Variants in ANKRD24 observed in about 807,000 individuals in gnomAD.
ANKRD24 encodes the protein ankyrin repeat domain-containing protein 24.
Under a neutral mutation model 127.8 loss-of-function variants are expected in ANKRD24, and 109 were observed. The observed-to-expected ratio is 0.85, with a 90% CI of 0.73 to 1.00. The LOEUF (loss-of-function observed/expected upper bound fraction) is 1.00, where lower values mean the gene tolerates loss of function less well. Among genes scored for constraint, ANKRD24 ranks in the 50% least tolerant of loss-of-function variants. The pLI is 0.00. For missense variants in ANKRD24, 1,648 were observed against 1,570.2 expected (o/e 1.05, Z -0.84); for synonymous variants, 743 against 671.1 (o/e 1.11, Z -1.66).
intron 6 of ANKRD24, among the ~76,000 whole-genome samples, chr19:4,202,501 C>T (rs1396259701): frequency 2.6e-5 from 4 of 151,904 alleles, no homozygotes; most frequent in Admixed American, 6.6e-5. Flanking sequence ...ACTTGGGAGG[C>T]GGAGGTTGCA....
chr19:4,200,895 G>A (rs190303575), intron 5 of ANKRD24, among the ~76,000 whole-genome samples: 1 of 152,264 alleles, frequency 6.6e-6, no homozygotes, highest in Non-Finnish European at 1.5e-5. Context: ...ACCATTGGAC[G>A]AACTAAGCTT....
In ANKRD24 at chr19:4,198,372, C is replaced by T. The variant is rs1055165873; in HGVS notation, c.37-1311C>T. 4 of 165,542 alleles carry T rather than the reference C, an allele frequency of 2.4e-5. No individual in the cohort carries two copies. The highest frequency in any genetic ancestry group is 1.0e-4 in the African/African-American group (4 of 38,600). The allele number at this position is 165,542 out of a possible 1,614,324, so 10.3% of individuals were successfully genotyped here. A position where few individuals can be genotyped will look rare whatever the true frequency, so the allele number is the denominator to read the frequency against. On this transcript the variant is annotated intron_variant, in intron 2 of 21. Transcript: ENST00000318934. This position sits in a 1 kb window ranked among gnomAD's most constrained non-coding sequence, Gnocchi z 6.1. ...GGCGGGACCGGGCGGGCGGGCGGGG[C>T]GGGGAGCTCCGGCAGCGCCCAGCCC...
intron 2 of ANKRD24, among the ~76,000 whole-genome samples, chr19:4,193,708 GT>G (rs1388004772): frequency 6.6e-6 from 1 of 151,844 alleles, no homozygotes; most frequent in African/African-American, 2.4e-5. Context: ...ATGGTGGCGG[GT>G]GCGTGTAATC....
rs757861643 is a variant in ANKRD24, at chr19:4,217,062, AGTGGAGGCCATGGGG to A, written c.1913_1927del (p.Met638_Ala642del). On this transcript the variant is annotated inframe_deletion, in exon 18 of 22. Transcript: ENST00000318934. ...AGGCCACAGACACAGAGACCACGGG[AGTGGAGGCCATGGGG>A]GTGGAGGCCACAAAAACAAAAGCAG... is the stretch of plus-strand genomic sequence containing the variant. 1.6e-5 allele frequency: 26 copies of A among 1,613,872 alleles called. No homozygotes were observed. The Admixed American group carries it at 2.8e-4, about 18-fold the overall frequency.
chr19:4,224,620 CACTTGGAG>C lies in ANKRD24; in HGVS notation c.*118_*125del, dbSNP rs755967647. 1 of 997,406 alleles carries C rather than the reference CACTTGGAG, an allele frequency of 1.0e-6. No homozygotes were observed. Among genetic ancestry groups the C allele is most frequent in the Non-Finnish European group, 1.5e-6 (1 of 664,578 alleles). The allele number at this position is 997,406 out of a possible 1,614,324, so 61.8% of individuals were successfully genotyped here. Reference sequence around the variant, plus strand: ...TCACTTGGCCCTATCCAGGCCCATGCACTTGGAGACCAGCCTGGTTCCCTGCCCGACCA... The same window carrying C: ...TCACTTGGCCCTATCCAGGCCCATGCACCAGCCTGGTTCCCTGCCCGACCA... On this transcript the variant is annotated 3_prime_UTR_variant, in exon 22 of 22. Transcript: ENST00000318934.
chr19:4,211,297 G>A (rs925348627), intron 13 of ANKRD24, among the ~76,000 whole-genome samples: 2 of 152,078 alleles, frequency 1.3e-5, no homozygotes, highest in Non-Finnish European at 2.9e-5. Flanking sequence ...TCAAGTGAGT[G>A]TATGAATGAA....
At chr19:4,201,974 T>TGGGAGCTACTTGAATAGC in intron 5 of ANKRD24, 52 bp from the exon 6 acceptor site, 1 of 1,518,248 alleles carries the variant, frequency 6.6e-7, no homozygotes, top group Non-Finnish European at 9.2e-7. Flanking sequence ...GGGGAGCAGC[T>TGGGAGCTACTTGAATAGC]GGGAGCTACT....
chr19:4,218,023 G>T lies in ANKRD24; in HGVS notation c.2863G>T (p.Glu955Ter). The change falls in exon 18 of 22, where the codon GAG (glutamate) becomes TAG (stop). Residue 955 changes from glutamate to a stop codon, truncating the protein, a stop_gained. Coordinates refer to ENST00000318934, the MANE Select transcript of ANKRD24 (RefSeq NM_001393985.1). LOFTEE classifies it high-confidence loss of function. ...KEAARLRAELERERVCSVALS... is the reference protein window; with the variant it reads ...KEAARLRAEL ...GGCCGCCCGGCTGCGCGCGGAGCTG[G>T]AGCGGGAGCGTGTGTGCAGCGTGGC... The T allele has an allele frequency of 6.4e-7, 1 of 1,555,774 alleles. No homozygotes were observed. The highest frequency in any genetic ancestry group is 1.4e-5 in the African/African-American group (1 of 71,966).
chr19:4,183,418 G>A, intron 1 of ANKRD24: 1 of 898,850 alleles, frequency 1.1e-6, no homozygotes. Context: ...GCACACTGGA[G>A]AGCAAAGGTG....
chr19:4,215,839 T>C, intron 15 of ANKRD24, 139 bp from the exon 16 acceptor site: 2 of 661,512 alleles, frequency 3.0e-6, no homozygotes, highest in South Asian at 2.0e-5. Flanking sequence ...CACTAAATCC[T>C]TGTGGGCCAA....
chr19:4,198,468 C>CGCG lies in ANKRD24; in HGVS notation c.37-1215_37-1214insGCG, dbSNP rs1968895711. 3 of 618,530 alleles carry CGCG rather than the reference C, an allele frequency of 4.9e-6. No homozygotes were observed. Among genetic ancestry groups the CGCG allele is most frequent in the Non-Finnish European group, 8.7e-6 (3 of 344,144 alleles). The allele number at this position is 618,530 out of a possible 1,614,324, so 38.3% of individuals were successfully genotyped here. A position where few individuals can be genotyped will look rare whatever the true frequency, so the allele number is the denominator to read the frequency against. On this transcript the variant is annotated intron_variant, in intron 2 of 21. Coordinates refer to ENST00000318934, the MANE Select transcript of ANKRD24 (RefSeq NM_001393985.1). This position sits in a 1 kb window ranked among gnomAD's most constrained non-coding sequence, Gnocchi z 6.1. Reference sequence around the variant, plus strand: ...CGCCTCCTCTTGGAACCCCGTGCGCCCCCCGCGCCCCGCGCCCCGGACGCC... The same window carrying CGCG: ...CGCCTCCTCTTGGAACCCCGTGCGCCGCGCCCCGCGCCCCGCGCCCCGGACGCC...
intron 1 of ANKRD24, chr19:4,183,341 G>T: frequency 1.0e-6 from 1 of 986,394 alleles, no homozygotes; most frequent in Non-Finnish European, 1.2e-6. Context: ...CCTGCTCAAG[G>T]TCAATGGGGC....
rs749955664 is a variant in ANKRD24 at position 4,219,700 on chromosome 19, G to A, written c.3113G>A (p.Arg1038His). 18 of 1,613,594 alleles carry A rather than the reference G, an allele frequency of 1.1e-5. No homozygotes were observed. Among genetic ancestry groups the A allele is most frequent in the South Asian group, 5.5e-5 (5 of 91,062 alleles). The change falls in exon 19 of 22, where the codon CGC becomes CAC. Residue 1038 changes from arginine to histidine, a missense_variant. Physicochemically the swap from Arg to His is conservative, Grantham distance 29. Transcript: ENST00000318934. ...CTACGGACCGAGGCGGAAAGGGCTC[G>A]CCAGGCCCAGAGCCGGGCCCAGGAG... is the stretch of plus-strand genomic sequence containing the variant. ...RGLRTEAERA[R>H]QAQSRAQEAL...
At chr19:4,191,870 C>T (rs1968406485) in intron 2 of ANKRD24, among the ~76,000 whole-genome samples, 1 of 152,064 alleles carries the variant, frequency 6.6e-6, no homozygotes, top group African/African-American at 2.4e-5. Context: ...CAACCTCCGC[C>T]TCCCGGGTTC....
intron 5 of ANKRD24, among the ~76,000 whole-genome samples, chr19:4,201,036 C>A (rs61654815): frequency 0.33 from 50,822 of 151,870 alleles, 9,621 homozygotes; most frequent in Non-Finnish European, 0.42. Flanking sequence ...AAGAGAATAA[C>A]AAGTAGAGTT....
At position 4,193,207 on chromosome 19, in the gene ANKRD24, C is replaced by T. The variant is rs149740110; in HGVS notation, c.37-6476C>T. ...ATCCCAGCTACTCAGGAGTCTGAGG[C>T]AGGAGAATCGCTTGAATCCGGGAGG... On this transcript the variant is annotated intron_variant, in intron 2 of 21. Transcript: ENST00000318934. Among the ~76,000 whole-genome samples the T allele has an allele frequency of 3.5e-5, 5 of 141,822 alleles. No individual in the cohort carries two copies. In the East Asian group the frequency reaches 1.1e-3, roughly 31 times the overall value. 93.0% of individuals were successfully genotyped at this position (141,822 alleles called of 152,430 possible).
intron 7 of ANKRD24, among the ~76,000 whole-genome samples, chr19:4,206,037 G>T (rs1388908349): frequency 6.6e-6 from 1 of 151,916 alleles, no homozygotes; most frequent in Non-Finnish European, 1.5e-5. Flanking sequence ...AGCTACTCGG[G>T]AGGCTGAGGC....
In ANKRD24 at chr19:4,195,239, A is replaced by AT. The variant is rs796819139; in HGVS notation, c.37-4438dup. Reference sequence around the variant, plus strand: ...AGGCGCCCACCACCACGCCCGGCTAATTTTTTGTATTTTTAGTAGAGACGG... The same window carrying AT: ...AGGCGCCCACCACCACGCCCGGCTAATTTTTTTGTATTTTTAGTAGAGACGG... On this transcript the variant is annotated intron_variant, in intron 2 of 21. Coordinates refer to ENST00000318934, the MANE Select transcript of ANKRD24 (RefSeq NM_001393985.1). The surrounding 1 kb of genome is among the most constrained non-coding windows in gnomAD (Gnocchi z 4.2). 2.1e-4 allele frequency among the ~76,000 whole-genome samples: 32 copies of AT among 151,660 alleles called. No individual in the cohort carries two copies. Among genetic ancestry groups the AT allele is most frequent in the East Asian group, 5.9e-4 (3 of 5,094 alleles).
rs917559381 is a variant in ANKRD24 at position 4,202,861 on chromosome 19, A to G, written c.409-8A>G. The G allele has an allele frequency of 6.3e-7, 1 of 1,586,254 alleles. No homozygotes were observed. On this transcript the variant is annotated splice_region_variant and splice_polypyrimidine_tract_variant and intron_variant, in intron 6 of 21. Transcript: ENST00000318934. ...GGCTCCGCCTCAAAGGACTCGCCCCATCCCCAGGCTTCCTGCGTGGTGGAC... is the reference window on the plus strand; with the variant it reads ...GGCTCCGCCTCAAAGGACTCGCCCCGTCCCCAGGCTTCCTGCGTGGTGGAC...
Sources: allele counts gnomAD v4.1 joint callset (sites outside exome capture counted in the v4.1 genomes callset), GRCh38; gene constraint gnomAD v4.1.1; non-coding constraint Gnocchi (gnomAD v3.1); transcripts MANE v1.5; gene names NCBI Gene and HGNC (gene_info 2026-07-23, HGNC 2026-07-21).